IGFL4: variants seen among roughly 807,000 people sequenced by gnomAD.
IGFL4 encodes IGF like family member 4.
Under a neutral mutation model 15.4 loss-of-function variants are expected in IGFL4, and 12 were observed. That is an observed-to-expected ratio of 0.78 (90% CI 0.50 to 1.26). The LOEUF (loss-of-function observed/expected upper bound fraction) is 1.26. Among genes scored for constraint, IGFL4 ranks in the 50% most tolerant of loss-of-function variants. The pLI is 0.00. For missense variants in IGFL4, 126 were observed against 147.8 expected (o/e 0.85, Z 0.76); for synonymous variants, 54 against 55.9 (o/e 0.97, Z 0.16).
intron 1 of IGFL4, among the ~76,000 whole-genome samples, chr19:46,063,327 ACACGCATG>A (rs980756098): frequency 5.7e-5 from 6 of 105,352 alleles, no homozygotes; most frequent in Non-Finnish European, 1.1e-4. Flanking sequence ...TTTAGAACAC[ACACGCATG>A]CACACACACA....
intron 2 of IGFL4, among the ~76,000 whole-genome samples, chr19:46,055,104 A>G (rs549362987): frequency 6.6e-6 from 1 of 152,214 alleles, no homozygotes; most frequent in Non-Finnish European, 1.5e-5. Flanking sequence ...CCATGGGAGC[A>G]GTAAGTAAAA....
At chr19:46,059,444 T>C (rs970934050) in intron 2 of IGFL4, 5 of 152,160 alleles carry the variant, frequency 3.3e-5, no homozygotes, top group African/African-American at 1.2e-4. Context: ...TCAGAAAGCA[T>C]AATTATGGTG....
chr19:46,067,284 C>T (rs1301290413), intron 1 of IGFL4, among the ~76,000 whole-genome samples: 2 of 152,198 alleles, frequency 1.3e-5, no homozygotes, highest in African/African-American at 4.8e-5. Flanking sequence ...AGCCCAGGCC[C>T]TCGCTGTTTT....
Position 46,040,643 on chromosome 19 carries a change from T to G in IGFL4, c.20-75A>C. On this transcript the variant is annotated intron_variant, in intron 1 of 3. Transcript: ENST00000377697. The surrounding 1 kb of genome is among the most constrained non-coding windows in gnomAD (Gnocchi z 4.1). The stretch of plus-strand genomic sequence containing the variant: ...ACCACGGGGCACAGGATGATGTCTC[T>G]GAGCTTCTCTGGTTGCTGTTAACAG... 8 of 1,509,366 alleles carry G rather than the reference T, an allele frequency of 5.3e-6. No homozygotes were observed. The highest frequency in any genetic ancestry group is 2.7e-5 in the African/African-American group (2 of 72,756). 93.5% of individuals were successfully genotyped at this position (1,509,366 alleles called of 1,614,324 possible). A position where few individuals can be genotyped will look rare whatever the true frequency, so the allele number is the denominator to read the frequency against.
At chr19:46,064,236 C>A (rs886896934) in intron 1 of IGFL4, among the ~76,000 whole-genome samples, 13 of 152,058 alleles carry the variant, frequency 8.5e-5, no homozygotes, top group Non-Finnish European at 1.9e-4. Flanking sequence ...TTAATACAAG[C>A]ATGCAATGCA....
chr19:46,064,015 TGAGCCAAGATA>T (rs1389189389), intron 1 of IGFL4, among the ~76,000 whole-genome samples: 1 of 149,652 alleles, frequency 6.7e-6, no homozygotes, highest in Non-Finnish European at 1.5e-5. Flanking sequence ...GAAGTTGCAG[TGAGCCAAGATA>T]GCACCACTGT....
rs1306431773 is a variant in IGFL4, at chr19:46,040,877, G to T, written c.19+67C>A. The T allele has an allele frequency of 7.0e-7, 1 of 1,420,502 alleles. No individual in the cohort carries two copies. Among genetic ancestry groups the T allele is most frequent in the Non-Finnish European group, 9.8e-7 (1 of 1,024,932 alleles). The allele number at this position is 1,420,502 out of a possible 1,614,324, so 88.0% of individuals were successfully genotyped here. A position where few individuals can be genotyped will look rare whatever the true frequency, so the allele number is the denominator to read the frequency against. ...TAGGGAAGAGAGAATTAACTTTGAA[G>T]TTCAGAAATAATTAGGGATGTGATA... On this transcript the variant is annotated intron_variant, in intron 1 of 3. Coordinates refer to ENST00000377697, the MANE Select transcript of IGFL4 (RefSeq NM_001002923.3). This position sits in a 1 kb window ranked among gnomAD's most constrained non-coding sequence, Gnocchi z 4.1.
intron 2 of IGFL4, among the ~76,000 whole-genome samples, chr19:46,057,406 T>G (rs1969402866): frequency 6.6e-6 from 1 of 152,136 alleles, no homozygotes; most frequent in African/African-American, 2.4e-5. Flanking sequence ...AATTTGAAAC[T>G]TTTTGTATCC....
intron 2 of IGFL4, among the ~76,000 whole-genome samples, chr19:46,056,816 T>A (rs994282798): frequency 1.3e-5 from 2 of 152,240 alleles, no homozygotes; most frequent in East Asian, 3.8e-4. Context: ...CTCAACTTGC[T>A]ATTCCTCCAG....
At chr19:46,045,243 G>C (rs1568710803), upstream of IGFL4, among the ~76,000 whole-genome samples, 1 of 152,128 alleles carries the variant, frequency 6.6e-6, no homozygotes, top group Non-Finnish European at 1.5e-5. Context: ...AGGAGTTAGA[G>C]ACCAGCCTGA....
upstream of IGFL4, among the ~76,000 whole-genome samples, chr19:46,041,837 CTTTTTT>C (rs11334515): frequency 9.1e-6 from 1 of 109,870 alleles, no homozygotes. Context: ...TCCTCTCTCT[CTTTTTT>C]TTTTTTTTTT....
chr19:46,069,483 T>C (rs760627730), intron 1 of IGFL4, among the ~76,000 whole-genome samples: 51 of 152,316 alleles, frequency 3.3e-4, no homozygotes, highest in Non-Finnish European at 5.9e-4. Context: ...GCATTTAAGA[T>C]GTAGTGTTTG....
intron 1 of IGFL4, among the ~76,000 whole-genome samples, chr19:46,072,899 C>A (rs1028407720): frequency 3.3e-5 from 5 of 151,968 alleles, no homozygotes; most frequent in African/African-American, 1.2e-4. Context: ...ATGCAGATAC[C>A]TTTGGCCATG....
At chr19:46,050,777 C>G (rs1268849712) in intron 2 of IGFL4, among the ~76,000 whole-genome samples, 1 of 152,186 alleles carries the variant, frequency 6.6e-6, no homozygotes, top group African/African-American at 2.4e-5. Context: ...CTTCCCTGGC[C>G]TTGCTAGAGA....
chr19:46,044,931 A>G (rs749041713), upstream of IGFL4, among the ~76,000 whole-genome samples: 4 of 152,196 alleles, frequency 2.6e-5, no homozygotes, highest in Non-Finnish European at 5.9e-5. Flanking sequence ...AACACCAACA[A>G]CATCAGCAAA....
At chr19:46,050,296 G>A (rs1005380178) in intron 2 of IGFL4, among the ~76,000 whole-genome samples, 1 of 152,136 alleles carries the variant, frequency 6.6e-6, no homozygotes, top group Non-Finnish European at 1.5e-5. Context: ...TAGCTCACCA[G>A]CAATGGATCC....
chr19:46,039,917 G>A lies in IGFL4; in HGVS notation c.350C>T (p.Pro117Leu). The change falls in exon 4 of 4, where the codon CCT becomes CTT. Residue 117 changes from proline to leucine, a missense_variant. Pro to Leu is a moderately conservative substitution (Grantham distance 98). Coordinates refer to ENST00000377697, the MANE Select transcript of IGFL4 (RefSeq NM_001002923.3). The stretch of plus-strand genomic sequence containing the variant: ...CTAGATGAGGTCAGATCTTGACACA[G>A]GGCTTTTTGGGTGGTATTCCTGCAG... ...ICAQEYHPKS[P>L]VSRSDLI 1.2e-6 allele frequency: 2 copies of A among 1,613,466 alleles called. No homozygotes were observed. Among genetic ancestry groups the A allele is most frequent in the Non-Finnish European group, 1.7e-6 (2 of 1,179,382 alleles).
chr19:46,076,322 C>G lies in IGFL4; in HGVS notation c.-432+698G>C, dbSNP rs1969595289. ...TAACCCAATACCACCGAATTCATTT[C>G]TTGCTCAAATTGTTCCAGCTTTGGC... On this transcript the variant is annotated intron_variant, in intron 1 of 5. Coordinates refer to the IGFL4 transcript ENST00000601672. Among the ~76,000 whole-genome samples the G allele has an allele frequency of 2.0e-5, 3 of 152,226 alleles. No homozygotes were observed. In the South Asian group the frequency reaches 6.2e-4, roughly 31 times the overall value.
At chr19:46,042,932 C>T (rs1969260446), upstream of IGFL4, among the ~76,000 whole-genome samples, 1 of 152,202 alleles carries the variant, frequency 6.6e-6, no homozygotes, top group Admixed American at 6.5e-5. Context: ...ACCTCACGTT[C>T]TGGGAAGACC....
Sources: gnomAD v4.1 joint callset for allele counts (sites outside exome capture counted in the v4.1 genomes callset) on GRCh38, gnomAD v4.1.1 for gene constraint, Gnocchi (gnomAD v3.1) non-coding constraint, MANE v1.5 for transcripts, NCBI Gene and HGNC (gene_info 2026-07-23, HGNC 2026-07-21) for gene names.